PCDH7: variants seen among roughly 807,000 people sequenced by gnomAD.
PCDH7 encodes protocadherin 7, also known as protocadherin-7.
A neutral mutation model predicts 58.9 loss-of-function variants in PCDH7; 17 were observed. The ratio of observed to expected loss-of-function variants is 0.29; its 90% CI spans 0.20 to 0.43. The LOEUF (loss-of-function observed/expected upper bound fraction) is 0.43, where lower values mean the gene tolerates loss of function less well. Among genes scored for constraint, PCDH7 ranks in the 20% least tolerant of loss-of-function variants. The pLI, the probability that PCDH7 is intolerant of heterozygous loss-of-function variation, is 1.00. For synonymous variants in PCDH7, 664 were observed against 616.4 expected (o/e 1.08, Z -1.14); for missense variants, 1,274 against 1,441.0 (o/e 0.88, Z 1.88).
chr4:31,026,566 A>G (rs1357246997), intron 3 of PCDH7, among the ~76,000 whole-genome samples: 2 of 152,210 alleles, frequency 1.3e-5, no homozygotes, highest in Non-Finnish European at 2.9e-5. Flanking sequence ...CTGAAAGTGT[A>G]TATGTCTGTG....
At chr4:31,056,660 G>GGAGAGAGAGGAGA (rs1757281817) in intron 3 of PCDH7, among the ~76,000 whole-genome samples, 1 of 145,944 alleles carries the variant, frequency 6.9e-6, no homozygotes, top group Non-Finnish European at 1.5e-5. Context: ...AAGAGAGAGA[G>GGAGAGAGAGGAGA]GAGAGAGAGA....
At chr4:30,916,354 T>C (rs1742476386) in intron 1 of PCDH7, among the ~76,000 whole-genome samples, 1 of 152,192 alleles carries the variant, frequency 6.6e-6, no homozygotes, top group South Asian at 2.1e-4. Flanking sequence ...ATTGGCCTTT[T>C]ATTTAGATAA....
chr4:31,068,615 G>A (rs977640965), intron 3 of PCDH7, among the ~76,000 whole-genome samples: 2 of 152,036 alleles, frequency 1.3e-5, no homozygotes, highest in South Asian at 2.1e-4. Flanking sequence ...ACCCAGCAAG[G>A]TCACACCTCA....
chr4:30,852,375 C>T (rs1732877499), intron 1 of PCDH7, among the ~76,000 whole-genome samples: 1 of 152,004 alleles, frequency 6.6e-6, no homozygotes, highest in South Asian at 2.1e-4. Context: ...GATAGGGAAA[C>T]AATTATTCTA....
intron 3 of PCDH7, among the ~76,000 whole-genome samples, chr4:30,965,069 A>G (rs1030475971): frequency 4.6e-5 from 7 of 152,220 alleles, no homozygotes; most frequent in African/African-American, 1.7e-4. Flanking sequence ...GCTTGCATTC[A>G]GTTATTTTAC....
chr4:30,753,844 A>G (rs541995713), intron 1 of PCDH7, among the ~76,000 whole-genome samples: 2 of 152,234 alleles, frequency 1.3e-5, no homozygotes, highest in Admixed American at 6.5e-5. Flanking sequence ...ATTTCATTGC[A>G]CATATAAATA....
intron 1 of PCDH7, among the ~76,000 whole-genome samples, chr4:30,918,686 C>T (rs1308279464): frequency 6.6e-6 from 1 of 151,984 alleles, no homozygotes; most frequent in African/African-American, 2.4e-5. Context: ...TATTAAGATT[C>T]AACTATTCTG....
chr4:30,890,106 C>T (rs548856498), intron 1 of PCDH7, among the ~76,000 whole-genome samples: 1 of 152,174 alleles, frequency 6.6e-6, no homozygotes, highest in South Asian at 2.1e-4. Flanking sequence ...CTATGTACAG[C>T]ATTTATTTAC....
chr4:31,014,919 G>T (rs908053909), intron 3 of PCDH7, among the ~76,000 whole-genome samples: 2 of 152,062 alleles, frequency 1.3e-5, no homozygotes, highest in African/African-American at 4.8e-5. Flanking sequence ...TCTTATATGT[G>T]TCTCAGTTCT....
intron 3 of PCDH7, among the ~76,000 whole-genome samples, chr4:31,074,708 T>C (rs1346998563): frequency 1.5e-4 from 19 of 129,024 alleles, no homozygotes. Context: ...TGCTTGAACC[T>C]GGGGAGGTGG....
intron 3 of PCDH7, among the ~76,000 whole-genome samples, chr4:31,025,482 A>C (rs148669678): frequency 6.6e-6 from 1 of 152,164 alleles, no homozygotes; most frequent in Non-Finnish European, 1.5e-5. Context: ...GATCCCACTT[A>C]ACAAGGATTC....
At chr4:30,906,884 G>A (rs1018651347) in intron 1 of PCDH7, among the ~76,000 whole-genome samples, 8 of 151,920 alleles carry the variant, frequency 5.3e-5, no homozygotes, top group African/African-American at 1.2e-4. Flanking sequence ...TTAGCTGGGC[G>A]TGGTGGCGGG....
intron 1 of PCDH7, among the ~76,000 whole-genome samples, chr4:30,895,470 A>G (rs376120627): frequency 1.6e-4 from 24 of 152,172 alleles, no homozygotes; most frequent in East Asian, 7.7e-4. Flanking sequence ...GTAGGACAAA[A>G]CGGGATTTTA....
chr4:30,896,162 C>G (rs1363469185), intron 1 of PCDH7, among the ~76,000 whole-genome samples: 1 of 152,104 alleles, frequency 6.6e-6, no homozygotes, highest in Non-Finnish European at 1.5e-5. Flanking sequence ...CTGGCTAAAT[C>G]CAGTTATATT....
At chr4:31,028,657 CAAAAA>C (rs5857218) in intron 3 of PCDH7, among the ~76,000 whole-genome samples, 1 of 134,842 alleles carries the variant, frequency 7.4e-6, no homozygotes, top group African/African-American at 2.6e-5. Flanking sequence ...GACCCTGCTT[CAAAAA>C]AAAAAAAAAA....
At chr4:30,724,623 A>T in intron 1 of PCDH7, 27 bp downstream of exon 1, 1 of 1,607,868 alleles carries the variant, frequency 6.2e-7, no homozygotes, top group Non-Finnish European at 8.5e-7. Context: ...ATATATTTAA[A>T]TATCCCAGGG....
At chr4:31,122,118 C>T (rs1389861097) in intron 3 of PCDH7, among the ~76,000 whole-genome samples, 1 of 151,990 alleles carries the variant, frequency 6.6e-6, no homozygotes, top group East Asian at 1.9e-4. Flanking sequence ...TACTGTTTTC[C>T]AAATTTCATG....
At chr4:30,982,122 A>G (rs1010922273) in intron 3 of PCDH7, among the ~76,000 whole-genome samples, 2 of 152,232 alleles carry the variant, frequency 1.3e-5, no homozygotes, top group Admixed American at 6.5e-5. Context: ...AGTTAGCTCA[A>G]TTGAGCCATT....
intron 3 of PCDH7, among the ~76,000 whole-genome samples, chr4:31,062,902 T>C (rs1277661650): frequency 6.6e-6 from 1 of 151,878 alleles, no homozygotes; most frequent in East Asian, 1.9e-4. Flanking sequence ...GCTGCTGTTT[T>C]AGCATAAATT....
Sources: gnomAD v4.1 joint callset for allele counts (sites outside exome capture counted in the v4.1 genomes callset) on GRCh38, gnomAD v4.1.1 for gene constraint, MANE v1.5 for transcripts, NCBI Gene and HGNC (gene_info 2026-07-23, HGNC 2026-07-21) for gene names.